The following SLC24A2 variants were observed in gnomAD, a reference collection of about 807,000 sequenced individuals.
The protein encoded by SLC24A2 is solute carrier family 24 member 2.
A neutral mutation model predicts 62.0 loss-of-function variants in SLC24A2; 36 were observed. The ratio of observed to expected loss-of-function variants is 0.58; its 90% CI spans 0.44 to 0.77. The LOEUF (loss-of-function observed/expected upper bound fraction) is 0.77, where lower values mean the gene tolerates loss of function less well. Ranked by LOEUF, SLC24A2 falls within the 30% of genes least tolerant of loss-of-function variation. The probability of loss-of-function intolerance (pLI) is 0.00; values close to 1 mark genes in which losing one functional copy is unlikely to be tolerated. For synonymous variants in SLC24A2, 358 were observed against 294.0 expected, an observed-to-expected ratio of 1.22 and a Z score of -2.23; for missense variants, 846 against 817.9, an observed-to-expected ratio of 1.03 and a Z score of -0.42.
the SLC24A2 span, among the ~76,000 whole-genome samples, chr9:20,227,601 T>C: frequency 6.6e-6 from 1 of 150,628 alleles, no homozygotes. Context: ...ACTACATTTC[T>C]GTAATGTACT....
chr9:20,004,693 T>A, the SLC24A2 span, among the ~76,000 whole-genome samples: 1 of 152,224 alleles, frequency 6.6e-6, no homozygotes, highest in Non-Finnish European at 1.5e-5. Context: ...TTTGTATATG[T>A]GTTCATGGCA....
the SLC24A2 span, among the ~76,000 whole-genome samples, chr9:20,100,515 T>A: frequency 6.6e-6 from 1 of 152,236 alleles, no homozygotes; most frequent in African/African-American, 2.4e-5. Flanking sequence ...AGTGCAGATA[T>A]TTGTACAAGG....
chr9:19,969,040 G>A, the SLC24A2 span, among the ~76,000 whole-genome samples: 1 of 152,044 alleles, frequency 6.6e-6, no homozygotes, highest in Non-Finnish European at 1.5e-5. Context: ...TTTCTTTCCA[G>A]TGTTTATAAC....
chr9:19,841,113 T>C, the SLC24A2 span, among the ~76,000 whole-genome samples: 3 of 152,160 alleles, frequency 2.0e-5, no homozygotes, highest in Non-Finnish European at 4.4e-5. Context: ...AAACACGTAT[T>C]TATTAAGAGC....
At chr9:19,734,523 G>C (rs560827376) in intron 2 of SLC24A2, among the ~76,000 whole-genome samples, 1 of 152,244 alleles carries the variant, frequency 6.6e-6, no homozygotes, top group African/African-American at 2.4e-5. Context: ...CATGAGCATG[G>C]AATGTTCTTC....
At chr9:19,874,075 C>CTTTTTTTT in the SLC24A2 span, among the ~76,000 whole-genome samples, 6 of 107,290 alleles carry the variant, frequency 5.6e-5, no homozygotes, top group South Asian at 3.0e-4. Context: ...CTTTTCTTTT[C>CTTTTTTTT]TTTTTTTTTT....
At chr9:20,282,376 A>G in the SLC24A2 span, among the ~76,000 whole-genome samples, 1 of 152,218 alleles carries the variant, frequency 6.6e-6, no homozygotes, top group East Asian at 1.9e-4. Context: ...AAAATTTGAA[A>G]GGGAGACAAA....
At chr9:19,857,610 C>CT in the SLC24A2 span, among the ~76,000 whole-genome samples, 1 of 152,016 alleles carries the variant, frequency 6.6e-6, no homozygotes, top group Non-Finnish European at 1.5e-5. Context: ...TTATTTTACT[C>CT]TTTTTGAAGC....
chr9:20,082,780 T>G, the SLC24A2 span, among the ~76,000 whole-genome samples: 1 of 152,194 alleles, frequency 6.6e-6, no homozygotes, highest in Non-Finnish European at 1.5e-5. Context: ...TCAAATTATT[T>G]CTAAAAACAA....
At chr9:19,880,890 T>A in the SLC24A2 span, among the ~76,000 whole-genome samples, 1 of 152,132 alleles carries the variant, frequency 6.6e-6, no homozygotes, top group Non-Finnish European at 1.5e-5. Context: ...CAAGGAGGTG[T>A]GTTGTGTAGT....
At chr9:20,119,768 A>T in the SLC24A2 span, among the ~76,000 whole-genome samples, 8 of 152,210 alleles carry the variant, frequency 5.3e-5, no homozygotes, top group Non-Finnish European at 8.8e-5. Context: ...CAATAAGGAA[A>T]TCAAAAAAGT....
intron 2 of SLC24A2, 101 bp downstream of exon 2, chr9:19,785,836 C>T (rs745955835): frequency 7.8e-5 from 114 of 1,469,638 alleles, no homozygotes; most frequent in Non-Finnish European, 1.1e-4. Flanking sequence ...TCCACAAGAG[C>T]CCCAAACACC....
chr9:20,171,240 C>T, the SLC24A2 span, among the ~76,000 whole-genome samples: 1 of 151,872 alleles, frequency 6.6e-6, no homozygotes, highest in African/African-American at 2.4e-5. Context: ...GAAACAAATC[C>T]TGGAAACACA....
At chr9:20,230,584 G>GT in the SLC24A2 span, among the ~76,000 whole-genome samples, 5,084 of 150,504 alleles carry the variant, frequency 0.034, 257 homozygotes, top group African/African-American at 0.11. Context: ...GGGGTTGTTT[G>GT]TTTTTTTCTT....
chr9:19,835,637 AT>A, the SLC24A2 span, among the ~76,000 whole-genome samples: 76 of 152,332 alleles, frequency 5.0e-4, no homozygotes, highest in African/African-American at 1.8e-3. Flanking sequence ...GGAGACTTTA[AT>A]ACCCCACTGT....
intron 4 of SLC24A2, among the ~76,000 whole-genome samples, chr9:19,597,572 C>T (rs1563989173): frequency 6.6e-6 from 1 of 152,180 alleles, no homozygotes; most frequent in Non-Finnish European, 1.5e-5. Context: ...GATAACTTCA[C>T]CCCAGGTCTA....
the SLC24A2 span, among the ~76,000 whole-genome samples, chr9:20,223,858 T>C: frequency 6.6e-6 from 1 of 152,058 alleles, no homozygotes; most frequent in Non-Finnish European, 1.5e-5. Flanking sequence ...CAGTAATTTA[T>C]AAAGAAAAGA....
At chr9:20,142,824 G>A in the SLC24A2 span, among the ~76,000 whole-genome samples, 1 of 152,124 alleles carries the variant, frequency 6.6e-6, no homozygotes, top group African/African-American at 2.4e-5. Flanking sequence ...TCGAACTCCT[G>A]ACCTCAAGTT....
the SLC24A2 span, among the ~76,000 whole-genome samples, chr9:20,168,892 A>T: frequency 2.0e-5 from 3 of 152,054 alleles, no homozygotes; most frequent in African/African-American, 7.2e-5. Flanking sequence ...TCAAACAGGC[A>T]TTTGTTCGCC....
Sources: allele counts gnomAD v4.1 joint callset (sites outside exome capture counted in the v4.1 genomes callset), GRCh38; gene constraint gnomAD v4.1.1; transcripts MANE v1.5; gene names NCBI Gene and HGNC (gene_info 2026-07-23, HGNC 2026-07-21).